Variants in VSTM2B observed in about 807,000 individuals in gnomAD.
The protein encoded by VSTM2B is V-set and transmembrane domain-containing protein 2B.
In VSTM2B, 24 loss-of-function variants were observed where a neutral mutation model predicts 24.0. The observed-to-expected ratio is 1.00, with a 90% CI of 0.72 to 1.40. The LOEUF (loss-of-function observed/expected upper bound fraction) is 1.40, where lower values mean the gene tolerates loss of function less well. Ranked by LOEUF, VSTM2B falls within the 40% of genes most tolerant of loss-of-function variation. The pLI, the probability that VSTM2B is intolerant of heterozygous loss-of-function variation, is 0.00. For synonymous variants in VSTM2B, 226 were observed against 194.4 expected, an observed-to-expected ratio of 1.16 and a Z score of -1.35; for missense variants, 399 against 416.4, an observed-to-expected ratio of 0.96 and a Z score of 0.36.
At chr19:29,528,973 GCCA>G in intron 3 of VSTM2B, 1 of 985,476 alleles carries the variant, frequency 1.0e-6, no homozygotes, top group Non-Finnish European at 1.2e-6. Context: ...GGGTGGTTGT[GCCA>G]GGCTGCGAGG....
intron 4 of VSTM2B, among the ~76,000 whole-genome samples, chr19:29,552,216 T>G (rs1970300178): frequency 6.6e-6 from 1 of 152,262 alleles, no homozygotes; most frequent in African/African-American, 2.4e-5. Context: ...GAAGCCAGAC[T>G]TCCTTGGTCT....
chr19:29,539,040 T>C (rs1969963874), intron 4 of VSTM2B, among the ~76,000 whole-genome samples: 1 of 152,170 alleles, frequency 6.6e-6, no homozygotes, highest in Non-Finnish European at 1.5e-5. Flanking sequence ...GTAAGTTCTC[T>C]GGCTGCACCA....
In VSTM2B at chr19:29,563,648, T is replaced by C. The variant is rs367593256; in HGVS notation, c.770-198T>C. ...CTGATCTCACTAGGATCCTAAAGTG[T>C]ATGGTCTGTAAATTACAAACTGCAG... On this transcript the variant is annotated intron_variant, in intron 4 of 4. Transcript: ENST00000335523. Among the ~76,000 whole-genome samples the C allele has an allele frequency of 1.4e-3, 217 of 152,310 alleles. 1 individual carries two copies. Among genetic ancestry groups the C allele is most frequent in the African/African-American group, 5.0e-3 (209 of 41,568 alleles).
At position 29,544,349 on chromosome 19, in the gene VSTM2B, AC is replaced by A. The variant is rs1480420543; in HGVS notation, c.769+14063del. 4.0e-5 allele frequency among the ~76,000 whole-genome samples: 6 copies of A among 151,050 alleles called. No homozygotes were observed. In the East Asian group the frequency reaches 7.8e-4, roughly 20 times the overall value. ...AGACCATCCTGGCTAACACGGTGAAACCCCGTCTCTACTGAAAATATAAAAA... is the reference window on the plus strand; with the variant it reads ...AGACCATCCTGGCTAACACGGTGAAACCCGTCTCTACTGAAAATATAAAAA... On this transcript the variant is annotated intron_variant, in intron 4 of 4. Transcript: ENST00000335523.
chr19:29,550,249 C>T (rs1970247331), intron 4 of VSTM2B, among the ~76,000 whole-genome samples: 1 of 152,178 alleles, frequency 6.6e-6, no homozygotes, highest in South Asian at 2.1e-4. Flanking sequence ...GCCTGGGCAA[C>T]ATAGCAAGAT....
At chr19:29,529,776 T>C in intron 3 of VSTM2B, 43 bp from the exon 4 acceptor site, 2 of 1,537,388 alleles carry the variant, frequency 1.3e-6, no homozygotes, top group Non-Finnish European at 1.8e-6. Context: ...AAGAGTAGGT[T>C]TGGGAGCTGC....
At chr19:29,541,566 G>A (rs1970018121) in intron 4 of VSTM2B, among the ~76,000 whole-genome samples, 1 of 152,054 alleles carries the variant, frequency 6.6e-6, no homozygotes, top group African/African-American at 2.4e-5. Flanking sequence ...AAGGATGAAT[G>A]GATGGGATAA....
At chr19:29,554,867 A>G (rs565029055) in intron 4 of VSTM2B, among the ~76,000 whole-genome samples, 2 of 152,364 alleles carry the variant, frequency 1.3e-5, no homozygotes, top group East Asian at 1.9e-4. Flanking sequence ...AGAGCTAACT[A>G]TCCTAAATAT....
At chr19:29,556,852 A>G (rs1019508372) in intron 4 of VSTM2B, among the ~76,000 whole-genome samples, 4 of 152,220 alleles carry the variant, frequency 2.6e-5, no homozygotes, top group African/African-American at 2.4e-5. Flanking sequence ...TTCAAAGAGA[A>G]CTACAAATCA....
chr19:29,529,938 G>A lies in VSTM2B; in HGVS notation c.417G>A (p.Glu139=). Residue 139 remains glutamate, a synonymous_variant, in exon 4 of 5, where the codon GAG becomes GAA. Coordinates refer to ENST00000335523, the MANE Select transcript of VSTM2B (RefSeq NM_001146339.2). ...VSDYSDDDTQ[E]HKAQAMLRVL... Reference sequence around the variant, plus strand: ...ACTACAGCGACGACGACACGCAGGAGCACAAGGCCCAGGCGATGCTGCGCG... The same window carrying A: ...ACTACAGCGACGACGACACGCAGGAACACAAGGCCCAGGCGATGCTGCGCG... The A allele has an allele frequency of 6.5e-7, 1 of 1,549,832 alleles. No individual in the cohort carries two copies. The highest frequency in any genetic ancestry group is 8.7e-7 in the Non-Finnish European group (1 of 1,146,798).
chr19:29,559,539 C>G (rs140494374), intron 4 of VSTM2B, among the ~76,000 whole-genome samples: 40 of 152,230 alleles, frequency 2.6e-4, no homozygotes, highest in African/African-American at 8.9e-4. Flanking sequence ...TAGCAAACTA[C>G]CATGGTACGT....
At chr19:29,546,986 T>C (rs892448148) in intron 4 of VSTM2B, among the ~76,000 whole-genome samples, 1 of 152,160 alleles carries the variant, frequency 6.6e-6, no homozygotes. Flanking sequence ...GTTCCAGCTC[T>C]TTGGGCCCGA....
At position 29,529,746 on chromosome 19, in the gene VSTM2B, G is replaced by T. The variant is rs1170868670; in HGVS notation, c.298-73G>T. The T allele has an allele frequency of 5.6e-6, 8 of 1,431,052 alleles. No individual in the cohort carries two copies. The Admixed American group carries it at 1.1e-4, about 20-fold the overall frequency. 88.6% of individuals were successfully genotyped at this position (1,431,052 alleles called of 1,614,324 possible). ...TGTTGGGGTGCGCGGATGAGGGGGCGCGACGGCCAGGGTGGCCAGAAGAGT... is the reference window on the plus strand; with the variant it reads ...TGTTGGGGTGCGCGGATGAGGGGGCTCGACGGCCAGGGTGGCCAGAAGAGT... On this transcript the variant is annotated intron_variant, in intron 3 of 4. Transcript: ENST00000335523.
chr19:29,530,893 TG>T (rs1441606389), intron 4 of VSTM2B, among the ~76,000 whole-genome samples: 4 of 150,942 alleles, frequency 2.7e-5, no homozygotes, highest in Non-Finnish European at 4.4e-5. Flanking sequence ...CCTTTGGCTT[TG>T]GGGTGGGGGC....
intron 4 of VSTM2B, among the ~76,000 whole-genome samples, chr19:29,535,564 C>T (rs1969868253): frequency 6.6e-6 from 1 of 152,126 alleles, no homozygotes; most frequent in Non-Finnish European, 1.5e-5. Context: ...ACAGCCAAGG[C>T]CATGGGTATG....
intron 4 of VSTM2B, among the ~76,000 whole-genome samples, chr19:29,556,684 GA>G (rs1444020292): frequency 6.6e-6 from 1 of 152,166 alleles, no homozygotes; most frequent in Non-Finnish European, 1.5e-5. Context: ...GCACTCTCAG[GA>G]TACAAAATCA....
intron 4 of VSTM2B, among the ~76,000 whole-genome samples, chr19:29,556,527 T>C (rs4536574): frequency 0.011 from 1,688 of 152,338 alleles, 16 homozygotes; most frequent in Middle Eastern, 0.02. Context: ...TTGGAGGTTC[T>C]GGCCAGGACA....
chr19:29,532,214 G>C (rs1043493190), intron 4 of VSTM2B, among the ~76,000 whole-genome samples: 1 of 152,196 alleles, frequency 6.6e-6, no homozygotes, highest in Non-Finnish European at 1.5e-5. Flanking sequence ...TTAAGGGCTA[G>C]GTCTAGAAGT....
chr19:29,538,383 T>C lies in VSTM2B; in HGVS notation c.769+8093T>C, dbSNP rs1051025348. 3.3e-5 allele frequency among the ~76,000 whole-genome samples: 5 copies of C among 152,278 alleles called. No individual in the cohort carries two copies. The Middle Eastern group carries it at 0.01, about 311-fold the overall frequency. On this transcript the variant is annotated intron_variant, in intron 4 of 4. Transcript: ENST00000335523. Reference sequence around the variant, plus strand: ...GGCCTGGCACCTAGAATACACTCAGTGGATGTTGGCTTTGGTAACCAGCGT... The same window carrying C: ...GGCCTGGCACCTAGAATACACTCAGCGGATGTTGGCTTTGGTAACCAGCGT...
Sources: allele counts gnomAD v4.1 joint callset (sites outside exome capture counted in the v4.1 genomes callset), GRCh38; gene constraint gnomAD v4.1.1; transcripts MANE v1.5; gene names NCBI Gene and HGNC (gene_info 2026-07-23, HGNC 2026-07-21).